RNF180: variants seen among roughly 807,000 people sequenced by gnomAD.
RNF180 encodes the protein E3 ubiquitin-protein ligase RNF180.
RNF180 carries 38 observed loss-of-function variants against 59.2 expected under a neutral mutation model. That is an observed-to-expected ratio of 0.64 (90% CI 0.50 to 0.84). The LOEUF is 0.84. Among genes scored for constraint, RNF180 ranks in the 40% least tolerant of loss-of-function variants. The probability of loss-of-function intolerance (pLI) is 0.00; values close to 1 mark genes in which losing one functional copy is unlikely to be tolerated. For missense variants in RNF180, 705 were observed against 700.9 expected (o/e 1.01, Z -0.07); for synonymous variants, 262 against 240.3 (o/e 1.09, Z -0.84).
At chr5:64,321,818 T>C (rs1744367386) in intron 5 of RNF180, among the ~76,000 whole-genome samples, 1 of 152,040 alleles carries the variant, frequency 6.6e-6, no homozygotes. Flanking sequence ...CAAACAGACA[T>C]ATAGACCAAT....
rs1278398187 is a variant in RNF180 at position 64,356,927 on chromosome 5, T to C, written c.1580-12688T>C. On this transcript the variant is annotated intron_variant, in intron 7 of 7. Coordinates refer to ENST00000389100, the MANE Select transcript of RNF180 (RefSeq NM_001113561.2). Reference sequence around the variant, plus strand: ...TGATGGTTGTACAACATTGTGAATGTAGTTATTGCCACTGAGTTGTACACT... The same window carrying C: ...TGATGGTTGTACAACATTGTGAATGCAGTTATTGCCACTGAGTTGTACACT... Among the ~76,000 whole-genome samples, 4 of 151,914 alleles carry C rather than the reference T, an allele frequency of 2.6e-5. No individual in the cohort carries two copies. The South Asian group carries it at 6.2e-4, about 24-fold the overall frequency.
chr5:64,264,778 TG>T (rs1345205015), intron 5 of RNF180, among the ~76,000 whole-genome samples: 4 of 152,230 alleles, frequency 2.6e-5, no homozygotes, highest in Admixed American at 1.3e-4. Flanking sequence ...ATGGTATTTT[TG>T]GTTCTAGATC....
intron 5 of RNF180, among the ~76,000 whole-genome samples, chr5:64,304,569 A>G (rs1743334130): frequency 6.6e-6 from 1 of 151,680 alleles, no homozygotes; most frequent in Admixed American, 6.6e-5. Flanking sequence ...CAAGAGACCT[A>G]GAATTAGAAG....
chr5:64,250,750 G>T (rs941440013), intron 5 of RNF180, among the ~76,000 whole-genome samples: 1 of 152,118 alleles, frequency 6.6e-6, no homozygotes, highest in Non-Finnish European at 1.5e-5. Context: ...GGACCTGATG[G>T]CTTCACTGCT....
intron 5 of RNF180, among the ~76,000 whole-genome samples, chr5:64,292,821 C>G (rs1470488162): frequency 6.6e-6 from 1 of 152,184 alleles, no homozygotes; most frequent in East Asian, 1.9e-4. Flanking sequence ...ATAATCCCGG[C>G]TGGAGTTGCT....
At chr5:64,306,679 A>G (rs1342895581) in intron 5 of RNF180, among the ~76,000 whole-genome samples, 4 of 151,768 alleles carry the variant, frequency 2.6e-5, no homozygotes, top group Non-Finnish European at 4.4e-5. Flanking sequence ...TTGTAGCGAC[A>G]TGGATGAAGC....
At chr5:64,315,531 G>C (rs1200764064) in intron 5 of RNF180, among the ~76,000 whole-genome samples, 1 of 152,164 alleles carries the variant, frequency 6.6e-6, no homozygotes, top group Admixed American at 6.5e-5. Context: ...GATCACCTGA[G>C]GTCAGGAGTT....
intron 5 of RNF180, among the ~76,000 whole-genome samples, chr5:64,280,157 C>T (rs1216199991): frequency 6.6e-6 from 1 of 152,120 alleles, no homozygotes. Flanking sequence ...GTCCTTTGCC[C>T]ATTTTTTAAT....
At chr5:64,236,298 T>C (rs897284964) in intron 5 of RNF180, among the ~76,000 whole-genome samples, 1 of 152,212 alleles carries the variant, frequency 6.6e-6, no homozygotes, top group Non-Finnish European at 1.5e-5. Flanking sequence ...TGGCAGCATT[T>C]TGCCCCTGCC....
intron 5 of RNF180, among the ~76,000 whole-genome samples, chr5:64,246,907 C>T (rs1022253691): frequency 6.6e-6 from 1 of 152,154 alleles, no homozygotes; most frequent in Non-Finnish European, 1.5e-5. Flanking sequence ...AAAGCTTACC[C>T]ACCACGATCA....
intron 7 of RNF180, among the ~76,000 whole-genome samples, chr5:64,357,656 A>G (rs1746082508): frequency 6.6e-6 from 1 of 151,818 alleles, no homozygotes; most frequent in Admixed American, 6.6e-5. Flanking sequence ...AATGTCTACC[A>G]TTAGCACAAC....
intron 5 of RNF180, among the ~76,000 whole-genome samples, chr5:64,236,721 C>T (rs1040516340): frequency 6.6e-6 from 1 of 152,096 alleles, no homozygotes; most frequent in Non-Finnish European, 1.5e-5. Context: ...CATTCCAGGC[C>T]CCCTGCTGCT....
intron 2 of RNF180, among the ~76,000 whole-genome samples, chr5:64,203,019 A>C (rs1751832702): frequency 6.6e-6 from 1 of 152,212 alleles, no homozygotes; most frequent in Non-Finnish European, 1.5e-5. Context: ...ACTTCTTCTC[A>C]CTGGAGTGGC....
chr5:64,287,611 T>C (rs540801789), intron 5 of RNF180, among the ~76,000 whole-genome samples: 6 of 152,342 alleles, frequency 3.9e-5, no homozygotes, highest in Admixed American at 3.9e-4. Context: ...TTTTTAATAA[T>C]TGCCATTCTG....
At chr5:64,230,232 C>A (rs1412461013) in intron 5 of RNF180, among the ~76,000 whole-genome samples, 1 of 152,182 alleles carries the variant, frequency 6.6e-6, no homozygotes, top group Non-Finnish European at 1.5e-5. Context: ...ATACTATGTT[C>A]ATTTGCTATT....
At chr5:64,306,738 AC>A (rs1472664760) in intron 5 of RNF180, among the ~76,000 whole-genome samples, 1 of 150,784 alleles carries the variant, frequency 6.6e-6, no homozygotes, top group Non-Finnish European at 1.5e-5. Context: ...AAAACCAAAC[AC>A]CACATATTCT....
At position 64,214,345 on chromosome 5, in the gene RNF180, GGAGCATGCCGGAGGCCTCAGACCAGGAA is replaced by G; in HGVS notation, c.1025_1052del (p.Met342ThrfsTer30). Reference sequence around the variant, plus strand: ...CTGATGGACCTGCCCTCAGCTGGCAGGAGCATGCCGGAGGCCTCAGACCAGGAAGAGCACCTCTCCCCTCTGGACTTCC... The same window carrying G: ...CTGATGGACCTGCCCTCAGCTGGCAGGAGCACCTCTCCCCTCTGGACTTCC... On this transcript the variant is annotated frameshift_variant, in exon 4 of 8. Transcript: ENST00000389100. LOFTEE classifies it high-confidence loss of function. 1.2e-6 allele frequency: 2 copies of G among 1,614,012 alleles called. No homozygotes were observed. The highest frequency in any genetic ancestry group is 1.7e-6 in the Non-Finnish European group (2 of 1,179,984).
chr5:64,371,397 C>T lies in RNF180; in HGVS notation c.*1583C>T, dbSNP rs906298051. On this transcript the variant is annotated 3_prime_UTR_variant, in exon 8 of 8. Transcript: ENST00000389100. ...GCATTATTTTAAGAACTTTAAATTG[C>T]AGCCATTTCCTAGGCAACTTCTGGT... 2 of 151,560 alleles carry T rather than the reference C, an allele frequency of 1.3e-5. No individual in the cohort carries two copies. The highest frequency in any genetic ancestry group is 3.0e-5 in the Non-Finnish European group (2 of 67,654). The allele number at this position is 151,560 out of a possible 1,614,324, so 9.4% of individuals were successfully genotyped here.
intron 5 of RNF180, among the ~76,000 whole-genome samples, chr5:64,261,696 T>C (rs1744350393): frequency 1.3e-5 from 2 of 152,162 alleles, no homozygotes. Flanking sequence ...ATGTTTTAAG[T>C]AGGGATTTCT....
Sources: allele counts gnomAD v4.1 joint callset (sites outside exome capture counted in the v4.1 genomes callset), GRCh38; gene constraint gnomAD v4.1.1; transcripts MANE v1.5; gene names NCBI Gene and HGNC (gene_info 2026-07-23, HGNC 2026-07-21).